RBFOX3: variants seen among roughly 807,000 people sequenced by gnomAD.
RBFOX3 encodes the protein RNA binding fox-1 homolog 3.
A neutral mutation model predicts 48.7 loss-of-function variants in RBFOX3; 17 were observed. The observed-to-expected ratio is 0.35, with a 90% CI of 0.24 to 0.52. The LOEUF is 0.52. Ranked by LOEUF, RBFOX3 falls within the 20% of genes least tolerant of loss-of-function variation. The probability of loss-of-function intolerance (pLI) is 0.94; values close to 1 mark genes in which losing one functional copy is unlikely to be tolerated. For synonymous variants in RBFOX3, 212 were observed against 209.5 expected (o/e 1.01, Z -0.10); for missense variants, 382 against 497.5 (o/e 0.77, Z 2.21).
chr17:79,440,327 C>A (rs1449692882), intron 2 of RBFOX3, among the ~76,000 whole-genome samples: 1 of 152,174 alleles, frequency 6.6e-6, no homozygotes, highest in Non-Finnish European at 1.5e-5. Flanking sequence ...TGGTGGCTTC[C>A]TTTAGGGTCA....
chr17:79,223,927 G>A (rs369409477), intron 4 of RBFOX3, among the ~76,000 whole-genome samples: 1 of 152,158 alleles, frequency 6.6e-6, no homozygotes, highest in Non-Finnish European at 1.5e-5. Context: ...AGGCAAAGGT[G>A]TGTATATTGG....
At chr17:79,316,729 C>A (rs999881497) in intron 2 of RBFOX3, among the ~76,000 whole-genome samples, 2 of 152,192 alleles carry the variant, frequency 1.3e-5, no homozygotes, top group Non-Finnish European at 2.9e-5. Flanking sequence ...GGAAATAAAA[C>A]CCCTGGATAT....
chr17:79,134,310 G>T (rs2039669019), intron 4 of RBFOX3, among the ~76,000 whole-genome samples: 1 of 152,270 alleles, frequency 6.6e-6, no homozygotes, highest in Admixed American at 6.5e-5. Flanking sequence ...GGTGGAATGT[G>T]GTTGGAAAAC....
At chr17:79,635,993 C>T in the RBFOX3 span, among the ~76,000 whole-genome samples, 1 of 152,094 alleles carries the variant, frequency 6.6e-6, no homozygotes, top group Non-Finnish European at 1.5e-5. Context: ...ACGTGGAAGA[C>T]CTATTTGGTG....
chr17:79,559,584 G>A (rs1411174866), intron 1 of RBFOX3, among the ~76,000 whole-genome samples: 1 of 148,000 alleles, frequency 6.8e-6, no homozygotes, highest in Non-Finnish European at 1.5e-5. Flanking sequence ...AGTGGGTGGG[G>A]GGGTGGATGG....
intron 4 of RBFOX3, among the ~76,000 whole-genome samples, chr17:79,129,031 G>A (rs1469624569): frequency 6.6e-6 from 1 of 152,084 alleles, no homozygotes; most frequent in African/African-American, 2.4e-5. Context: ...CCCAGACCCC[G>A]AGACCCTGAG....
chr17:79,390,139 A>AG lies in RBFOX3; in HGVS notation c.-174-82316dup, dbSNP rs1318201152. Among the ~76,000 whole-genome samples, 8 of 152,198 alleles carry AG rather than the reference A, an allele frequency of 5.3e-5. 1 individual carries two copies. The highest frequency in any genetic ancestry group is 1.0e-4 in the Non-Finnish European group (7 of 68,040). Reference sequence around the variant, plus strand: ...CCCGGCCGAGGGGCTGGGTCCACAGAGGAGGACCAGCAGCAGTGAAGGGCA... The same window carrying AG: ...CCCGGCCGAGGGGCTGGGTCCACAGAGGGAGGACCAGCAGCAGTGAAGGGCA... On this transcript the variant is annotated intron_variant, in intron 2 of 14. Transcript: ENST00000693108. This position sits in a 1 kb window ranked among gnomAD's most constrained non-coding sequence, Gnocchi z 4.2.
At chr17:79,131,775 G>C (rs1172933665) in intron 4 of RBFOX3, among the ~76,000 whole-genome samples, 1 of 152,158 alleles carries the variant, frequency 6.6e-6, no homozygotes, top group Admixed American at 6.5e-5. Context: ...GATGCCAGGG[G>C]CCTCCCTGCT....
chr17:79,436,841 G>A (rs1267768371), intron 2 of RBFOX3, among the ~76,000 whole-genome samples: 1 of 152,130 alleles, frequency 6.6e-6, no homozygotes, highest in Non-Finnish European at 1.5e-5. Flanking sequence ...CTCAGAGCCA[G>A]GGAGCCCAGG....
At chr17:79,501,952 G>A (rs2082435161) in intron 1 of RBFOX3, among the ~76,000 whole-genome samples, 1 of 152,190 alleles carries the variant, frequency 6.6e-6, no homozygotes, top group Non-Finnish European at 1.5e-5. Flanking sequence ...ATGGTGGATG[G>A]GGCATGTTGG....
Position 79,478,116 on chromosome 17 carries a change from A to C in RBFOX3, c.-175+4338T>G, listed in dbSNP as rs1029323871. Among the ~76,000 whole-genome samples, 809 of 152,324 alleles carry C rather than the reference A, an allele frequency of 5.3e-3. 10 individuals are homozygous for C. Among genetic ancestry groups the C allele is most frequent in the African/African-American group, 0.019 (783 of 41,580 alleles). On this transcript the variant is annotated intron_variant, in intron 2 of 14. Coordinates refer to ENST00000693108, the MANE Select transcript of RBFOX3 (RefSeq NM_001350451.2). Reference sequence around the variant, plus strand: ...AGCCCCACGCACGTTCCCACGGCTCATGCGGGCAGCCTGTGTCTCGGCTCA... The same window carrying C: ...AGCCCCACGCACGTTCCCACGGCTCCTGCGGGCAGCCTGTGTCTCGGCTCA...
intron 3 of RBFOX3, among the ~76,000 whole-genome samples, chr17:79,257,996 C>T (rs1600257844): frequency 6.6e-6 from 1 of 152,136 alleles, no homozygotes; most frequent in Non-Finnish European, 1.5e-5. Context: ...TCTCTCTCCC[C>T]CTTTATCCCC....
intron 10 of RBFOX3, 90 bp downstream of exon 10, chr17:79,097,602 C>G: frequency 7.1e-7 from 1 of 1,412,858 alleles, no homozygotes. Context: ...CACCTGGCCC[C>G]GCCCCTCATG....
intron 4 of RBFOX3, among the ~76,000 whole-genome samples, chr17:79,223,737 T>C (rs1225831390): frequency 6.6e-6 from 1 of 152,182 alleles, no homozygotes; most frequent in Non-Finnish European, 1.5e-5. Flanking sequence ...CGAGGGATTC[T>C]GAGGCCTGGG....
rs1287874485 is a variant in RBFOX3 at position 79,089,389 on chromosome 17, C to T, written c.*1494G>A. 2 of 152,624 alleles carry T rather than the reference C, an allele frequency of 1.3e-5. No individual in the cohort carries two copies. Among genetic ancestry groups the T allele is most frequent in the African/African-American group, 4.8e-5 (2 of 41,448 alleles). The allele number at this position is 152,624 out of a possible 1,614,324, so 9.5% of individuals were successfully genotyped here. ...ATCTTTATTAATAATCTTAATAATA[C>T]TGTTAGTTTGAATGGTCACACCTTG... On this transcript the variant is annotated 3_prime_UTR_variant, in exon 15 of 15. Transcript: ENST00000693108.
chr17:79,413,460 GC>G (rs988299675), intron 2 of RBFOX3, among the ~76,000 whole-genome samples: 31 of 152,308 alleles, frequency 2.0e-4, no homozygotes, highest in Middle Eastern at 3.4e-3. Context: ...GGCTACTGGG[GC>G]CCCCCACAAA....
Position 79,548,236 on chromosome 17 carries a change from G to A in RBFOX3, c.-320+62590C>T, listed in dbSNP as rs527461004. Among the ~76,000 whole-genome samples the A allele has an allele frequency of 1.9e-3, 282 of 152,304 alleles. 1 individual carries two copies. The highest frequency in any genetic ancestry group is 6.5e-3 in the African/African-American group (271 of 41,570). ...TCCGCTCCCGGAGTCCACCCAGGAG[G>A]GCCCAGCCTGGCTCACAGCAGAGTT... On this transcript the variant is annotated intron_variant, in intron 1 of 14. Coordinates refer to ENST00000693108, the MANE Select transcript of RBFOX3 (RefSeq NM_001350451.2).
At chr17:79,404,737 C>T (rs1325437656) in intron 2 of RBFOX3, among the ~76,000 whole-genome samples, 8 of 152,336 alleles carry the variant, frequency 5.3e-5, no homozygotes, top group Middle Eastern at 3.4e-3. Flanking sequence ...ATCCATGGCT[C>T]CCTGTGGCCT....
chr17:79,313,760 A>T (rs916621515), intron 2 of RBFOX3, among the ~76,000 whole-genome samples: 4 of 152,136 alleles, frequency 2.6e-5, no homozygotes, highest in African/African-American at 9.7e-5. Flanking sequence ...CTCCTGGGGC[A>T]GCAGCATCTC....
Sources: allele counts gnomAD v4.1 joint callset (sites outside exome capture counted in the v4.1 genomes callset), GRCh38; gene constraint gnomAD v4.1.1; non-coding constraint Gnocchi (gnomAD v3.1); transcripts MANE v1.5; gene names NCBI Gene and HGNC (gene_info 2026-07-23, HGNC 2026-07-21).